The following KDM2A variants were observed in gnomAD, a reference collection of about 807,000 sequenced individuals.
The protein encoded by KDM2A is lysine demethylase 2A.
KDM2A carries 3 observed loss-of-function variants against 137.3 expected under a neutral mutation model. That is an observed-to-expected ratio of 0.02 (90% CI 0.01 to 0.06). The LOEUF (loss-of-function observed/expected upper bound fraction) is 0.06, where lower values mean the gene tolerates loss of function less well. Ranked by LOEUF, KDM2A falls within the 10% of genes least tolerant of loss-of-function variation. The pLI, the probability that KDM2A is intolerant of heterozygous loss-of-function variation, is 1.00. For synonymous variants in KDM2A, 512 were observed against 541.5 expected (o/e 0.95, Z 0.76); for missense variants, 738 against 1,510.6 (o/e 0.49, Z 8.48).
Position 67,255,162 on chromosome 11 carries a change from C to T in KDM2A, c.*107C>T. 6.2e-6 allele frequency: 6 copies of T among 960,902 alleles called. No individual in the cohort carries two copies. Among genetic ancestry groups the T allele is most frequent in the Non-Finnish European group, 9.3e-6 (6 of 643,808 alleles). The allele number at this position is 960,902 out of a possible 1,614,324, so 59.5% of individuals were successfully genotyped here. ...GGCTCTGAGGCCAGCGTCACACTCC[C>T]TCTCTGCTCTCCTGTCCCTTGAGCC... is the stretch of plus-strand genomic sequence containing the variant. On this transcript the variant is annotated 3_prime_UTR_variant, in exon 21 of 21. Transcript: ENST00000529006.
intron 2 of KDM2A, among the ~76,000 whole-genome samples, chr11:67,126,503 T>A (rs1185618362): frequency 6.6e-6 from 1 of 151,694 alleles, no homozygotes; most frequent in Admixed American, 6.6e-5. Context: ...AGGTCAGCAG[T>A]TTGAGACCAG....
rs1383410394 is a variant in KDM2A, at chr11:67,194,467, C to T, written c.307+12575C>T. Among the ~76,000 whole-genome samples the T allele has an allele frequency of 3.9e-5, 6 of 152,190 alleles. No individual in the cohort carries two copies. The East Asian group carries it at 1.2e-3, about 29-fold the overall frequency. On this transcript the variant is annotated intron_variant, in intron 5 of 20. Transcript: ENST00000529006. The stretch of plus-strand genomic sequence containing the variant: ...CTTTTCTTAAGTTATGTTATCTAGT[C>T]AGTTGATCAGGAGTTATATATACTG...
rs796916214 is a variant in KDM2A, at chr11:67,253,348, T to C, written c.2933-105T>C. 15 of 955,328 alleles carry C rather than the reference T, an allele frequency of 1.6e-5. No homozygotes were observed. In the African/African-American group the frequency reaches 2.4e-4, roughly 16 times the overall value. The allele number at this position is 955,328 out of a possible 1,614,324, so 59.2% of individuals were successfully genotyped here. Reference sequence around the variant, plus strand: ...TGACTAAAAGATTAGGCATAGTCCTTCTCTCCTATTAGACTGGAAGTTTGT... The same window carrying C: ...TGACTAAAAGATTAGGCATAGTCCTCCTCTCCTATTAGACTGGAAGTTTGT... On this transcript the variant is annotated intron_variant, in intron 18 of 20. Coordinates refer to ENST00000529006, the MANE Select transcript of KDM2A (RefSeq NM_012308.3).
intron 10 of KDM2A, among the ~76,000 whole-genome samples, chr11:67,220,757 T>C (rs1261961555): frequency 6.6e-6 from 1 of 152,196 alleles, no homozygotes; most frequent in African/African-American, 2.4e-5. Context: ...TGTTTAACCC[T>C]ACCTTGTAGC....
In KDM2A at chr11:67,201,792, A is replaced by G. The variant is rs566705888; in HGVS notation, c.308-5718A>G. ...CATCTCAAAAAAAAAAAAAAAAAAA[A>G]AAAAAAAAAAAAATTAGCCATGCTT... is the stretch of plus-strand genomic sequence containing the variant. On this transcript the variant is annotated intron_variant, in intron 5 of 20. Transcript: ENST00000529006. Among the ~76,000 whole-genome samples, 37 of 147,234 alleles carry G rather than the reference A, an allele frequency of 2.5e-4. 1 individual carries two copies. In the South Asian group the frequency reaches 7.6e-3, roughly 30 times the overall value.
intron 16 of KDM2A, 141 bp downstream of exon 16, chr11:67,248,511 T>C (rs1181327772): frequency 1.7e-6 from 1 of 601,628 alleles, no homozygotes. Context: ...GGTATGTTTT[T>C]CCTTTGGTTA....
intron 6 of KDM2A, among the ~76,000 whole-genome samples, chr11:67,210,204 T>C (rs1565405600): frequency 6.6e-6 from 1 of 151,898 alleles, no homozygotes; most frequent in South Asian, 2.1e-4. Flanking sequence ...CCTGTCTCTA[T>C]AGAAAAATTA....
chr11:67,136,483 T>C (rs919139218), intron 2 of KDM2A, among the ~76,000 whole-genome samples: 2 of 152,222 alleles, frequency 1.3e-5, no homozygotes, highest in Non-Finnish European at 2.9e-5. Context: ...TGAGTGCTTA[T>C]GTTGTACTAA....
At chr11:67,183,446 G>A (rs1179534690) in intron 5 of KDM2A, among the ~76,000 whole-genome samples, 1 of 152,220 alleles carries the variant, frequency 6.6e-6, no homozygotes, top group East Asian at 1.9e-4. Context: ...AGAGAGGATT[G>A]TAGGAAGATG....
In KDM2A at chr11:67,217,895, TG is replaced by T. The variant is rs1231099581; in HGVS notation, c.841+14del. 1.3e-6 allele frequency: 2 copies of T among 1,579,148 alleles called. No homozygotes were observed. Among genetic ancestry groups the T allele is most frequent in the Non-Finnish European group, 1.7e-6 (2 of 1,162,460 alleles). The stretch of plus-strand genomic sequence containing the variant: ...TCGTCATTCCCTCAGGTAAGCAAAA[TG>T]GGAAGAGTGGGTTATTTAGCCATTT... On this transcript the variant is annotated intron_variant, in intron 9 of 20. Transcript: ENST00000529006.
chr11:67,252,356 A>G (rs1859455713), intron 17 of KDM2A: 1 of 321,352 alleles, frequency 3.1e-6, no homozygotes, highest in African/African-American at 2.1e-5. Flanking sequence ...TTCAGCAGGA[A>G]CCATGCCATT....
chr11:67,161,966 G>T (rs1323393056), intron 2 of KDM2A, among the ~76,000 whole-genome samples: 1 of 152,034 alleles, frequency 6.6e-6, no homozygotes, highest in Non-Finnish European at 1.5e-5. Context: ...TCAGTTTTCA[G>T]TATTTATATT....
intron 10 of KDM2A, among the ~76,000 whole-genome samples, chr11:67,220,177 A>G (rs1463643739): frequency 1.3e-5 from 2 of 151,692 alleles, no homozygotes; most frequent in African/African-American, 4.8e-5. Flanking sequence ...ACATGCAGCT[A>G]ATTTTTTTGT....
chr11:67,217,577 C>G lies in KDM2A; in HGVS notation c.688-154C>G, dbSNP rs908410543. ...AGAAAGATCTACTGCCTTGGACCTT[C>G]TAGGGTTTACCACATAGTCAAGTTC... is the stretch of plus-strand genomic sequence containing the variant. On this transcript the variant is annotated intron_variant, in intron 8 of 20. Transcript: ENST00000529006. 4.4e-6 allele frequency: 3 copies of G among 676,180 alleles called. No individual in the cohort carries two copies. In the African/African-American group the frequency reaches 5.4e-5, roughly 12 times the overall value. The allele number at this position is 676,180 out of a possible 1,614,324, so 41.9% of individuals were successfully genotyped here.
At chr11:67,183,214 G>A (rs879489793) in intron 5 of KDM2A, among the ~76,000 whole-genome samples, 18 of 152,222 alleles carry the variant, frequency 1.2e-4, no homozygotes, top group Non-Finnish European at 2.5e-4. Flanking sequence ...GTTGAATAAT[G>A]AAAATGCTCC....
intron 6 of KDM2A, among the ~76,000 whole-genome samples, chr11:67,211,142 A>G (rs1175992674): frequency 1.3e-5 from 2 of 152,170 alleles, no homozygotes; most frequent in Admixed American, 1.3e-4. Flanking sequence ...TATTCCCCCC[A>G]TAGTATATCC....
At chr11:67,155,937 TAAAA>T (rs770113717) in intron 2 of KDM2A, among the ~76,000 whole-genome samples, 1 of 104,264 alleles carries the variant, frequency 9.6e-6, no homozygotes, top group Non-Finnish European at 1.8e-5. Context: ...TTTAAACGGC[TAAAA>T]AAAAAAAAAA....
chr11:67,252,503 T>C, intron 17 of KDM2A, 191 bp from the exon 18 acceptor site: 1 of 623,070 alleles, frequency 1.6e-6, no homozygotes, highest in Non-Finnish European at 2.9e-6. Flanking sequence ...GCAAAGCGTC[T>C]AGTTGTTGTA....
At chr11:67,139,914 T>TG (rs753411833) in intron 2 of KDM2A, among the ~76,000 whole-genome samples, 62 of 152,064 alleles carry the variant, frequency 4.1e-4, no homozygotes, top group Non-Finnish European at 8.5e-4. Flanking sequence ...TTCACTGTGT[T>TG]GCACTGGCTG....
Sources: gnomAD v4.1 joint callset for allele counts (sites outside exome capture counted in the v4.1 genomes callset) on GRCh38, gnomAD v4.1.1 for gene constraint, MANE v1.5 for transcripts, NCBI Gene and HGNC (gene_info 2026-07-23, HGNC 2026-07-21) for gene names.